BCL2L13: variants seen among roughly 807,000 people sequenced by gnomAD.
The protein encoded by BCL2L13 is bcl-2-like protein 13.
A neutral mutation model predicts 25.8 loss-of-function variants in BCL2L13; 13 were observed. That is an observed-to-expected ratio of 0.50 (90% confidence interval 0.33 to 0.80). The LOEUF is 0.80. Among genes scored for constraint, BCL2L13 ranks in the 30% least tolerant of loss-of-function variants. The probability of loss-of-function intolerance (pLI) is 0.02; values close to 1 mark genes in which losing one functional copy is unlikely to be tolerated. For synonymous variants in BCL2L13, 244 were observed against 230.3 expected (o/e 1.06, Z -0.54); for missense variants, 504 against 574.9 (o/e 0.88, Z 1.26).
At position 17,729,001 on chromosome 22, in the gene BCL2L13, G is replaced by A. The variant is rs1185469231; in HGVS notation, c.*1467G>A. On this transcript the variant is annotated 3_prime_UTR_variant, in exon 7 of 7. Transcript: ENST00000317582. ...CAGACCCGTGTCTTTCCATGCCCGA[G>A]GGCCACGACGTCACTATGCAGGGCA... The A allele has an allele frequency of 6.6e-6, 1 of 152,140 alleles. No individual in the cohort carries two copies. The highest frequency in any genetic ancestry group is 1.5e-5 in the Non-Finnish European group (1 of 68,026). The allele number at this position is 152,140 out of a possible 1,614,324, so 9.4% of individuals were successfully genotyped here. A position where few individuals can be genotyped will look rare whatever the true frequency, so the allele number is the denominator to read the frequency against.
At position 17,726,977 on chromosome 22, in the gene BCL2L13, A is replaced by G. The variant is rs529304856; in HGVS notation, c.901A>G (p.Asn301Asp). The change falls in exon 7 of 7, where the codon AAC (asparagine) becomes GAC (aspartate). Residue 301 changes from asparagine (N) to aspartate (D), a missense_variant. By Grantham distance (23) the Asn-to-Asp change is conservative (BLOSUM62 1). Coordinates refer to ENST00000317582, the MANE Select transcript of BCL2L13 (RefSeq NM_015367.4). ...SNGAGEKSEN[N>D]SSNSDIVHVE... ...CGGAGCTGGAGAGAAGAGTGAGAAC[A>G]ACTCCTCTAATTCTGACATTGTGCA... The G allele has an allele frequency of 6.2e-7, 1 of 1,614,186 alleles. No individual in the cohort carries two copies. The highest frequency in any genetic ancestry group is 1.1e-5 in the South Asian group (1 of 91,088).
rs35623813 is a variant in BCL2L13, at chr22:17,666,678, C to CTT, written c.121+10866_121+10867dup. ...TTGTTGCAAATGACAGGACCTCATT[C>CTT]TTTTTTTTTTTTTTTTTTTTTAAGA... is the stretch of plus-strand genomic sequence containing the variant. On this transcript the variant is annotated intron_variant, in intron 2 of 6. Transcript: ENST00000317582. 3.7e-3 allele frequency among the ~76,000 whole-genome samples: 449 copies of CTT among 121,362 alleles called. 2 individuals are homozygous for CTT. Among genetic ancestry groups the CTT allele is most frequent in the East Asian group, 5.2e-3 (22 of 4,210 alleles). 79.6% of individuals were successfully genotyped at this position (121,362 alleles called of 152,430 possible).
intron 4 of BCL2L13, among the ~76,000 whole-genome samples, chr22:17,691,592 G>A (rs2060106585): frequency 6.6e-6 from 1 of 152,082 alleles, no homozygotes; most frequent in South Asian, 2.1e-4. Flanking sequence ...CTTGCAGTGA[G>A]CCGAGATTGC....
intron 2 of BCL2L13, among the ~76,000 whole-genome samples, chr22:17,681,177 G>A (rs2059742699): frequency 6.6e-6 from 1 of 152,088 alleles, no homozygotes; most frequent in African/African-American, 2.4e-5. Flanking sequence ...TTATGCAGTG[G>A]GTGTGAGTAT....
chr22:17,706,581 C>A, intron 6 of BCL2L13: 1 of 857,960 alleles, frequency 1.2e-6, no homozygotes, highest in Non-Finnish European at 1.5e-6. Context: ...CAGGTTTTCA[C>A]ATGCGTCTCT....
rs759443880 is a variant in BCL2L13 at position 17,726,945 on chromosome 22, A to G, written c.869A>G (p.Asp290Gly). The G allele has an allele frequency of 1.2e-5, 19 of 1,614,078 alleles. No homozygotes were observed. Among genetic ancestry groups the G allele is most frequent in the Admixed American group, 1.7e-5 (1 of 59,996 alleles). The change falls in exon 7 of 7, where the codon GAC becomes GGC. Residue 290 changes from aspartate (D) to glycine (G), a missense_variant. Transcript: ENST00000317582. ...GATCCTGAAGAAGTGAAAAGCTTAG[A>G]CAGCAACGGAGCTGGAGAGAAGAGT... is the stretch of plus-strand genomic sequence containing the variant. ...AMDPEEVKSL[D>G]SNGAGEKSEN...
At chr22:17,694,797 T>C (rs1167288920) in intron 4 of BCL2L13, among the ~76,000 whole-genome samples, 2 of 152,152 alleles carry the variant, frequency 1.3e-5, no homozygotes, top group African/African-American at 2.4e-5. Flanking sequence ...GAAACCTGAT[T>C]TCAAAATGTT....
intron 4 of BCL2L13, among the ~76,000 whole-genome samples, chr22:17,689,951 G>A (rs1242261226): frequency 6.6e-6 from 1 of 152,010 alleles, no homozygotes; most frequent in African/African-American, 2.4e-5. Context: ...TCTTATAGAA[G>A]GAACTTCTCT....
chr22:17,683,532 A>G (rs2059817076), intron 3 of BCL2L13, among the ~76,000 whole-genome samples: 1 of 152,208 alleles, frequency 6.6e-6, no homozygotes, highest in Non-Finnish European at 1.5e-5. Context: ...ACTATACCTA[A>G]CAGGTTAGAT....
chr22:17,682,662 C>A (rs978957118), intron 2 of BCL2L13, among the ~76,000 whole-genome samples: 26 of 152,154 alleles, frequency 1.7e-4, no homozygotes. Context: ...GCTCAATTTC[C>A]CTGTTTCTGG....
chr22:17,688,976 C>T lies in BCL2L13; in HGVS notation c.230-10C>T. ...TATTATATTAGGTTTTTCTTTTGTC[C>T]TATCTTCAGCCTTCACCAGCACAGG... On this transcript the variant is annotated splice_polypyrimidine_tract_variant and intron_variant, in intron 3 of 6. Coordinates refer to ENST00000317582, the MANE Select transcript of BCL2L13 (RefSeq NM_015367.4). 1.2e-6 allele frequency: 2 copies of T among 1,606,334 alleles called. No homozygotes were observed. The highest frequency in any genetic ancestry group is 1.1e-5 in the South Asian group (1 of 89,860).
intron 5 of BCL2L13, among the ~76,000 whole-genome samples, chr22:17,698,238 C>T (rs2060324080): frequency 6.6e-6 from 1 of 151,940 alleles, no homozygotes; most frequent in African/African-American, 2.4e-5. Context: ...CCTCAACCTC[C>T]CAAGTAGCTG....
chr22:17,689,610 C>T (rs1484473538), intron 4 of BCL2L13, among the ~76,000 whole-genome samples: 9 of 151,856 alleles, frequency 5.9e-5, no homozygotes, highest in African/African-American at 1.9e-4. Context: ...TTTGGGAGGC[C>T]GAGGTGGGCG....
chr22:17,697,732 G>A (rs759369887), intron 5 of BCL2L13, among the ~76,000 whole-genome samples: 4 of 151,726 alleles, frequency 2.6e-5, no homozygotes, highest in Admixed American at 1.3e-4. Flanking sequence ...GTTACCTATC[G>A]GTACATAATT....
intron 4 of BCL2L13, among the ~76,000 whole-genome samples, chr22:17,691,295 A>G (rs985813520): frequency 1.3e-5 from 2 of 152,226 alleles, no homozygotes; most frequent in African/African-American, 4.8e-5. Flanking sequence ...CAAAAATGTA[A>G]AAGTTATCTG....
chr22:17,662,202 C>T (rs879915703), intron 2 of BCL2L13, among the ~76,000 whole-genome samples: 5 of 151,404 alleles, frequency 3.3e-5, no homozygotes, highest in East Asian at 3.9e-4. Context: ...TGAGGGGCTG[C>T]GCGTGGTGGC....
intron 1 of BCL2L13, among the ~76,000 whole-genome samples, chr22:17,630,882 C>T (rs186363818): frequency 2.0e-4 from 30 of 152,142 alleles, no homozygotes; most frequent in African/African-American, 5.3e-4. Context: ...TGAGCCACCG[C>T]GCCCAGCCAT....
intron 2 of BCL2L13, among the ~76,000 whole-genome samples, chr22:17,680,367 G>T (rs2059704209): frequency 6.6e-6 from 1 of 151,008 alleles, no homozygotes; most frequent in South Asian, 2.1e-4. Flanking sequence ...AAAATTAGCG[G>T]GGAATGGTGT....
At position 17,726,884 on chromosome 22, in the gene BCL2L13, T is replaced by C. The variant is rs1382891837; in HGVS notation, c.808T>C (p.Ser270Pro). The stretch of plus-strand genomic sequence containing the variant: ...TTGGCACACAGAAAGCCTGCCAGTG[T>C]CACTAGGCCCTGAGTCCTGGCAGCA... ...QSWHTESLPV[S>P]LGPESWQQIA... Residue 270 changes from serine (S) to proline (P), a missense_variant, in exon 7 of 7, where the codon TCA becomes CCA. Transcript: ENST00000317582. The C allele has an allele frequency of 2.5e-6, 4 of 1,613,850 alleles. No individual in the cohort carries two copies. The African/African-American group carries it at 5.3e-5, about 22-fold the overall frequency.
Sources: allele counts gnomAD v4.1 joint callset (sites outside exome capture counted in the v4.1 genomes callset), GRCh38; gene constraint gnomAD v4.1.1; transcripts MANE v1.5; gene names NCBI Gene and HGNC (gene_info 2026-07-23, HGNC 2026-07-21).